Variants in PPP1R14C observed in about 807,000 individuals in gnomAD.
PPP1R14C encodes protein phosphatase 1 regulatory inhibitor subunit 14C, also known as protein phosphatase 1 regulatory subunit 14C.
A neutral mutation model predicts 20.4 loss-of-function variants in PPP1R14C; 16 were observed. The observed-to-expected ratio is 0.78, with a 90% confidence interval of 0.53 to 1.19. The LOEUF (loss-of-function observed/expected upper bound fraction) is 1.19, where lower values mean the gene tolerates loss of function less well. Among genes scored for constraint, PPP1R14C ranks in the 50% most tolerant of loss-of-function variants. PPP1R14C has a pLI of 0.00. For missense variants in PPP1R14C, 211 were observed against 220.1 expected, an observed-to-expected ratio of 0.96 and a Z score of 0.26; for synonymous variants, 91 against 91.0, an observed-to-expected ratio of 1.00 and a Z score of 0.00.
intron 1 of PPP1R14C, among the ~76,000 whole-genome samples, chr6:150,165,031 T>C (rs1193531569): frequency 1.3e-5 from 2 of 152,238 alleles, no homozygotes; most frequent in Non-Finnish European, 2.9e-5. Flanking sequence ...TGTGGTACCT[T>C]GATGAACTTC....
chr6:150,208,449 C>T (rs2114904624), intron 1 of PPP1R14C, among the ~76,000 whole-genome samples: 1 of 152,098 alleles, frequency 6.6e-6, no homozygotes, highest in African/African-American at 2.4e-5. Context: ...TAAGTGGGAA[C>T]ATTTTTTTTT....
intron 1 of PPP1R14C, among the ~76,000 whole-genome samples, chr6:150,193,266 GA>G (rs1777767266): frequency 6.6e-6 from 1 of 151,872 alleles, no homozygotes; most frequent in African/African-American, 2.4e-5. Context: ...AAAAGAGGAG[GA>G]AAAAGAGGAG....
At chr6:150,181,879 C>T (rs1181425240) in intron 1 of PPP1R14C, among the ~76,000 whole-genome samples, 1 of 152,120 alleles carries the variant, frequency 6.6e-6, no homozygotes, top group African/African-American at 2.4e-5. Flanking sequence ...CTCAAATTTG[C>T]CTTGAAATAG....
intron 1 of PPP1R14C, among the ~76,000 whole-genome samples, chr6:150,154,744 G>A (rs1182765080): frequency 1.3e-5 from 2 of 152,156 alleles, no homozygotes; most frequent in Non-Finnish European, 2.9e-5. Context: ...TGTCTTGTGT[G>A]AGTGGCTTGG....
chr6:150,187,977 T>G (rs1448859039), intron 1 of PPP1R14C, among the ~76,000 whole-genome samples: 1 of 152,238 alleles, frequency 6.6e-6, no homozygotes, highest in Non-Finnish European at 1.5e-5. Context: ...AATAACCACA[T>G]CACATTTAAT....
intron 1 of PPP1R14C, among the ~76,000 whole-genome samples, chr6:150,149,165 G>A (rs192451755): frequency 1.9e-4 from 29 of 152,298 alleles, no homozygotes; most frequent in African/African-American, 6.0e-4. Flanking sequence ...AGGGAAATGC[G>A]GGGTGGAAGC....
chr6:150,160,950 G>A (rs961460274), intron 1 of PPP1R14C, among the ~76,000 whole-genome samples: 3 of 152,022 alleles, frequency 2.0e-5, no homozygotes, highest in African/African-American at 7.2e-5. Flanking sequence ...ATTTCTCCAA[G>A]GAACGCTGAT....
intron 1 of PPP1R14C, among the ~76,000 whole-genome samples, chr6:150,158,036 C>T (rs995014675): frequency 2.0e-5 from 3 of 152,194 alleles, no homozygotes; most frequent in African/African-American, 7.2e-5. Flanking sequence ...GAAGGATGAG[C>T]AGGCTGCCCA....
intron 1 of PPP1R14C, among the ~76,000 whole-genome samples, chr6:150,169,989 A>G (rs1386217304): frequency 6.6e-6 from 1 of 152,192 alleles, no homozygotes; most frequent in Non-Finnish European, 1.5e-5. Context: ...TCCTTGCTGT[A>G]TGGGGACTGG....
At chr6:150,176,758 T>C (rs1777567046) in intron 1 of PPP1R14C, among the ~76,000 whole-genome samples, 1 of 152,238 alleles carries the variant, frequency 6.6e-6, no homozygotes, top group African/African-American at 2.4e-5. Flanking sequence ...GTAAGGGCAG[T>C]GTCCTGCCGT....
intron 1 of PPP1R14C, among the ~76,000 whole-genome samples, chr6:150,213,884 A>C (rs1257185147): frequency 1.3e-5 from 2 of 152,204 alleles, no homozygotes; most frequent in Non-Finnish European, 2.9e-5. Flanking sequence ...TGATTCACTC[A>C]CTGATAGGCA....
In PPP1R14C at chr6:150,200,691, G is replaced by A. The variant is rs1165670993; in HGVS notation, c.307-14053G>A. Among the ~76,000 whole-genome samples the A allele has an allele frequency of 2.6e-5, 4 of 152,188 alleles. No homozygotes were observed. The East Asian group carries it at 7.7e-4, about 29-fold the overall frequency. ...ATCCCCTACATTTGTAACAGGAGAG[G>A]CCCAGACCTCCAGCTGGGGGATTAA... On this transcript the variant is annotated intron_variant, in intron 1 of 3. Coordinates refer to ENST00000361131, the MANE Select transcript of PPP1R14C (RefSeq NM_030949.3).
chr6:150,241,372 T>C (rs1305837683), intron 3 of PPP1R14C, among the ~76,000 whole-genome samples: 1 of 152,200 alleles, frequency 6.6e-6, no homozygotes, highest in Non-Finnish European at 1.5e-5. Flanking sequence ...CCTTTATTAA[T>C]GTAATAAGTA....
intron 1 of PPP1R14C, among the ~76,000 whole-genome samples, chr6:150,167,651 T>C (rs1343900303): frequency 6.6e-6 from 1 of 152,032 alleles, no homozygotes; most frequent in East Asian, 1.9e-4. Flanking sequence ...AGACAGAGCA[T>C]CTATAAAAAG....
chr6:150,158,060 T>G (rs1161966145), intron 1 of PPP1R14C, among the ~76,000 whole-genome samples: 1 of 152,180 alleles, frequency 6.6e-6, no homozygotes, highest in Non-Finnish European at 1.5e-5. Flanking sequence ...CCTACCTTTA[T>G]TAAGAGTGAT....
intron 1 of PPP1R14C, among the ~76,000 whole-genome samples, chr6:150,149,684 T>G (rs1777223616): frequency 6.6e-6 from 1 of 152,134 alleles, no homozygotes; most frequent in Non-Finnish European, 1.5e-5. Context: ...AGCATAGTAC[T>G]TAGGACATAG....
At chr6:150,171,628 G>T (rs1024260394) in intron 1 of PPP1R14C, among the ~76,000 whole-genome samples, 2 of 152,140 alleles carry the variant, frequency 1.3e-5, no homozygotes, top group African/African-American at 4.8e-5. Flanking sequence ...CTGGAATTTC[G>T]TCTCTTTCTC....
At chr6:150,237,145 G>A (rs556476874) in intron 3 of PPP1R14C, among the ~76,000 whole-genome samples, 87 of 152,140 alleles carry the variant, frequency 5.7e-4, no homozygotes, top group South Asian at 2.5e-3. Flanking sequence ...GAAAATGGGC[G>A]GGGGTGGGGC....
chr6:150,208,190 G>T lies in PPP1R14C; in HGVS notation c.307-6554G>T, dbSNP rs571352325. ...CCAAATTCACCCTGAGTTTCGGAGG[G>T]GTCAAACCACATCCAAACCATAGCA... is the stretch of plus-strand genomic sequence containing the variant. On this transcript the variant is annotated intron_variant, in intron 1 of 3. Transcript: ENST00000361131. 5.9e-5 allele frequency among the ~76,000 whole-genome samples: 9 copies of T among 152,206 alleles called. No homozygotes were observed. The South Asian group carries it at 1.9e-3, about 32-fold the overall frequency.
Sources: allele counts gnomAD v4.1 joint callset (sites outside exome capture counted in the v4.1 genomes callset), GRCh38; gene constraint gnomAD v4.1.1; transcripts MANE v1.5; gene names NCBI Gene and HGNC (gene_info 2026-07-23, HGNC 2026-07-21).